The following NEK11 variants were observed in gnomAD, a reference collection of about 807,000 sequenced individuals.
The protein encoded by NEK11 is serine/threonine-protein kinase Nek11.
Under a neutral mutation model 80.7 loss-of-function variants are expected in NEK11, and 72 were observed. The observed-to-expected ratio is 0.89, with a 90% confidence interval of 0.74 to 1.08. NEK11 has a LOEUF of 1.08. Ranked by LOEUF, NEK11 falls within the 50% of genes least tolerant of loss-of-function variation. The pLI, the probability that NEK11 is intolerant of heterozygous loss-of-function variation, is 0.00. For synonymous variants in NEK11, 251 were observed against 260.7 expected (o/e 0.96, Z 0.36); for missense variants, 764 against 763.6 (o/e 1.00, Z -0.01).
chr3:131,237,610 T>C (rs1385078092), intron 15 of NEK11, among the ~76,000 whole-genome samples: 1 of 152,106 alleles, frequency 6.6e-6, no homozygotes, highest in Non-Finnish European at 1.5e-5. Context: ...GAGTCTCTAA[T>C]AGACATCCTG....
intron 17 of NEK11, among the ~76,000 whole-genome samples, chr3:131,283,966 A>C (rs955118695): frequency 6.6e-6 from 1 of 152,142 alleles, no homozygotes; most frequent in Non-Finnish European, 1.5e-5. Flanking sequence ...CAATTAATTG[A>C]ATTCTTCTTG....
chr3:131,089,169 A>G (rs551757773), intron 4 of NEK11, among the ~76,000 whole-genome samples: 14 of 152,334 alleles, frequency 9.2e-5, no homozygotes, highest in African/African-American at 3.4e-4. Flanking sequence ...ATCATGCCTC[A>G]AAGTTTGTTC....
At chr3:131,280,495 GT>G (rs2096379372) in intron 17 of NEK11, among the ~76,000 whole-genome samples, 1 of 151,910 alleles carries the variant, frequency 6.6e-6, no homozygotes, top group South Asian at 2.1e-4. Flanking sequence ...TTCAGTGTAT[GT>G]TTATAAATAG....
chr3:131,068,105 G>T (rs1283414889), intron 3 of NEK11, among the ~76,000 whole-genome samples: 2 of 152,124 alleles, frequency 1.3e-5, no homozygotes, highest in Non-Finnish European at 2.9e-5. Context: ...GGGATGGAGG[G>T]GGACACAGTC....
rs115814724 is a variant in NEK11, at chr3:131,169,172, A to G, written c.1284+235A>G. On this transcript the variant is annotated intron_variant, in intron 13 of 17. Coordinates refer to ENST00000383366, the MANE Select transcript of NEK11 (RefSeq NM_024800.5). Reference sequence around the variant, plus strand: ...TGTGATAAGGAGAAGAGGAAGAGGAAACTGCTCCCATCTTTGAGTGCTTTC... The same window carrying G: ...TGTGATAAGGAGAAGAGGAAGAGGAGACTGCTCCCATCTTTGAGTGCTTTC... 9.6e-3 allele frequency among the ~76,000 whole-genome samples: 1,456 copies of G among 152,268 alleles called. 20 individuals carry two copies. The highest frequency in any genetic ancestry group is 0.031 in the African/African-American group (1,301 of 41,540).
chr3:131,267,272 T>G (rs773326353), intron 16 of NEK11, among the ~76,000 whole-genome samples: 3 of 152,250 alleles, frequency 2.0e-5, no homozygotes, highest in South Asian at 4.1e-4. Context: ...TGATGCAGTT[T>G]CTTCATAGTT....
At chr3:131,300,724 T>C (rs143435964) in intron 17 of NEK11, among the ~76,000 whole-genome samples, 2 of 152,322 alleles carry the variant, frequency 1.3e-5, no homozygotes, top group African/African-American at 4.8e-5. Flanking sequence ...CTCTGTTCTG[T>C]TCCATTGTTC....
intron 13 of NEK11, 127 bp downstream of exon 13, chr3:131,169,064 G>C (rs2092491213): frequency 1.7e-6 from 1 of 578,138 alleles, no homozygotes; most frequent in Non-Finnish European, 3.0e-6. Flanking sequence ...AATGTAGCAG[G>C]AAAAAGCTTC....
chr3:131,249,623 T>C (rs2095664681), intron 16 of NEK11, among the ~76,000 whole-genome samples: 1 of 152,064 alleles, frequency 6.6e-6, no homozygotes, highest in Admixed American at 6.6e-5. Flanking sequence ...AACCCCCAGA[T>C]ACCATTCCTA....
At chr3:131,030,160 A>G (rs2109251809) in intron 3 of NEK11, among the ~76,000 whole-genome samples, 1 of 152,014 alleles carries the variant, frequency 6.6e-6, no homozygotes, top group East Asian at 1.9e-4. Context: ...AATTGCTTAA[A>G]CCCAGGAGGT....
intron 4 of NEK11, among the ~76,000 whole-genome samples, chr3:131,104,208 T>C (rs187901523): frequency 1.3e-5 from 2 of 152,078 alleles, no homozygotes; most frequent in Non-Finnish European, 2.9e-5. Flanking sequence ...GGGTGGGTAC[T>C]ATGGTGGTGG....
At chr3:131,097,761 C>T (rs2077667365) in intron 4 of NEK11, among the ~76,000 whole-genome samples, 2 of 145,172 alleles carry the variant, frequency 1.4e-5, no homozygotes, top group Admixed American at 6.9e-5. Flanking sequence ...AATGCCATCC[C>T]CATCAAGCTA....
chr3:131,152,207 T>G (rs1234863942), intron 7 of NEK11, among the ~76,000 whole-genome samples, 181 bp from the exon 8 acceptor site: 1 of 152,114 alleles, frequency 6.6e-6, no homozygotes, highest in Non-Finnish European at 1.5e-5. Flanking sequence ...TTTTGGTTTT[T>G]TTTTTGGTAA....
chr3:131,209,831 T>TC (rs2094554615), intron 14 of NEK11, among the ~76,000 whole-genome samples: 1 of 152,196 alleles, frequency 6.6e-6, no homozygotes, highest in African/African-American at 2.4e-5. Context: ...GGTGGTGATA[T>TC]CCCCTTTATC....
At chr3:131,212,018 A>G (rs1429048150) in intron 14 of NEK11, among the ~76,000 whole-genome samples, 2 of 152,100 alleles carry the variant, frequency 1.3e-5, no homozygotes, top group Non-Finnish European at 2.9e-5. Flanking sequence ...TGGCGAGGAG[A>G]TGCGATCCTT....
At chr3:131,333,794 C>T (rs1351668594) in intron 17 of NEK11, among the ~76,000 whole-genome samples, 1 of 152,018 alleles carries the variant, frequency 6.6e-6, no homozygotes, top group African/African-American at 2.4e-5. Flanking sequence ...AAATGGAGAA[C>T]AAAAGAAGGC....
At chr3:131,308,888 A>G (rs1410283543) in intron 17 of NEK11, among the ~76,000 whole-genome samples, 1 of 152,148 alleles carries the variant, frequency 6.6e-6, no homozygotes, top group Non-Finnish European at 1.5e-5. Context: ...AAATTGTTCT[A>G]TCTCAGACCA....
intron 17 of NEK11, among the ~76,000 whole-genome samples, chr3:131,284,749 A>G (rs1395466750): frequency 2.0e-5 from 3 of 152,172 alleles, no homozygotes; most frequent in Non-Finnish European, 4.4e-5. Context: ...CCCATACTGG[A>G]TGCTTCCTGC....
intron 4 of NEK11, among the ~76,000 whole-genome samples, chr3:131,088,858 A>G (rs2149120435): frequency 6.6e-6 from 1 of 152,232 alleles, no homozygotes; most frequent in African/African-American, 2.4e-5. Flanking sequence ...GTGGCTTGAC[A>G]TTTCCCCCAC....
Sources: allele counts gnomAD v4.1 joint callset (sites outside exome capture counted in the v4.1 genomes callset), GRCh38; gene constraint gnomAD v4.1.1; transcripts MANE v1.5; gene names NCBI Gene and HGNC (gene_info 2026-07-23, HGNC 2026-07-21).